UBR4: variants seen among roughly 807,000 people sequenced by gnomAD.
UBR4 encodes ubiquitin protein ligase E3 component n-recognin 4.
Under a neutral mutation model 575.6 loss-of-function variants are expected in UBR4, and 124 were observed. The observed-to-expected ratio is 0.22, with a 90% CI of 0.19 to 0.25. The LOEUF (loss-of-function observed/expected upper bound fraction) is 0.25. UBR4 is among the 10% of genes least tolerant of loss of function. The pLI is 1.00. For synonymous variants in UBR4, 2,455 were observed against 2,473.7 expected (o/e 0.99, Z 0.22); for missense variants, 4,818 against 6,478.8 (o/e 0.74, Z 8.80).
chr1:19,114,140 G>A, intron 75 of UBR4, 70 bp from the exon 76 acceptor site: 2 of 1,564,206 alleles, frequency 1.3e-6, no homozygotes, highest in Non-Finnish European at 1.7e-6. Context: ...AATCCTCACT[G>A]CTAACCATTT....
intron 103 of UBR4, chr1:19,079,026 TCA>T (rs2076230051): frequency 6.6e-6 from 1 of 152,196 alleles, no homozygotes; most frequent in Non-Finnish European, 1.5e-5. Context: ...TGAGCCCTTG[TCA>T]CAGAGTATTC....
intron 60 of UBR4, among the ~76,000 whole-genome samples, chr1:19,133,111 C>T (rs79713050): frequency 0.025 from 3,798 of 152,120 alleles, 72 homozygotes; most frequent in Middle Eastern, 0.041. Context: ...TATTTTATGA[C>T]GCCAGAATAA....
rs773796885 is a variant in UBR4, at chr1:19,160,192, G to A, written c.5496C>T (p.Val1832=). Residue 1832 remains valine (V), a synonymous_variant, in exon 39 of 106, where the codon GTC becomes GTT. Coordinates refer to ENST00000375254, the MANE Select transcript of UBR4 (RefSeq NM_020765.3). ...IQTNFQQASA[V]GSSSRAQQAL... is the part of the protein sequence containing the mutation. ...CTTGCTGAGCACGGCTGCTGCTCCCGACGGCTGAAGCTTGCTGGAAGTTGG... is the reference window on the plus strand; with the variant it reads ...CTTGCTGAGCACGGCTGCTGCTCCCAACGGCTGAAGCTTGCTGGAAGTTGG... 3.9e-5 allele frequency: 63 copies of A among 1,613,702 alleles called. No individual in the cohort carries two copies. The highest frequency in any genetic ancestry group is 2.3e-4 in the African/African-American group (17 of 74,782).
chr1:19,146,031 G>A (rs1314035728), intron 52 of UBR4, 98 bp from the exon 53 acceptor site: 11 of 1,595,234 alleles, frequency 6.9e-6, no homozygotes, highest in African/African-American at 2.7e-5. Context: ...GCCTGGGGAG[G>A]GAGTTTCAAG....
In UBR4 at chr1:19,156,853, A is replaced by C. The variant is rs1192607272; in HGVS notation, c.5833T>G (p.Leu1945Val). ...GTAAAAGGAACTGGGGCAGAAGCCA[A>C]GCGGGTCAGAGTTAACTTCCTTTTG... ...SSKRKLTLTRLASAPVPFTVL... is the reference protein window; with the variant it reads ...SSKRKLTLTRVASAPVPFTVL... Residue 1945 changes from leucine to valine, a missense_variant, in exon 41 of 106, where the codon TTG becomes GTG. Leu to Val is a conservative substitution (Grantham distance 32, BLOSUM62 1). Transcript: ENST00000375254. 4 of 1,614,060 alleles carry C rather than the reference A, an allele frequency of 2.5e-6. No homozygotes were observed. In the South Asian group the frequency reaches 4.4e-5, roughly 18 times the overall value.
intron 32 of UBR4, 63 bp from the exon 33 acceptor site, chr1:19,164,504 A>C: frequency 3.3e-6 from 5 of 1,523,940 alleles, no homozygotes; most frequent in Non-Finnish European, 4.5e-6. Context: ...GTGTGTTATA[A>C]AGGAAGTTTT....
intron 8 of UBR4, among the ~76,000 whole-genome samples, chr1:19,193,844 T>C (rs965020515): frequency 6.6e-6 from 1 of 152,136 alleles, no homozygotes; most frequent in Non-Finnish European, 1.5e-5. Context: ...ATCCATACAA[T>C]GGAATATTAA....
intron 13 of UBR4, 128 bp downstream of exon 13, chr1:19,187,036 G>C (rs2091595521): frequency 1.3e-6 from 1 of 761,504 alleles, no homozygotes; most frequent in African/African-American, 1.9e-5. Flanking sequence ...GTCTATAAAG[G>C]TCATGGTGTG....
chr1:19,142,824 A>G (rs1166551965), intron 55 of UBR4, among the ~76,000 whole-genome samples: 1 of 152,238 alleles, frequency 6.6e-6, no homozygotes, highest in African/African-American at 2.4e-5. Context: ...TATTGCTATT[A>G]GAAAATTTAA....
chr1:19,142,559 A>C (rs570184739), intron 55 of UBR4, among the ~76,000 whole-genome samples: 2 of 152,374 alleles, frequency 1.3e-5, no homozygotes, highest in African/African-American at 4.8e-5. Context: ...AGATTTTCTG[A>C]AAGTCACAAA....
At chr1:19,183,726 A>G in intron 17 of UBR4, 85 bp downstream of exon 17, 1 of 1,390,688 alleles carries the variant, frequency 7.2e-7, no homozygotes, top group Non-Finnish European at 1.0e-6. Context: ...CATCTCAAAA[A>G]AACAAACAAA....
chr1:19,106,275 A>C (rs1312596958), intron 83 of UBR4, among the ~76,000 whole-genome samples: 4 of 152,184 alleles, frequency 2.6e-5, no homozygotes, highest in African/African-American at 9.6e-5. Flanking sequence ...GAGAGAAAGG[A>C]CAGCAGAAGA....
chr1:19,099,993 G>T (rs2078455710), intron 89 of UBR4: 1 of 432,302 alleles, frequency 2.3e-6, no homozygotes, highest in Admixed American at 4.1e-5. Flanking sequence ...TCAACGGTCT[G>T]CCAGAAAGTA....
Position 19,110,289 on chromosome 1 carries a change from C to A in UBR4, c.11978-66G>T. The A allele has an allele frequency of 6.2e-7, 1 of 1,613,108 alleles. No homozygotes were observed. Among genetic ancestry groups the A allele is most frequent in the Non-Finnish European group, 8.5e-7 (1 of 1,179,190 alleles). On this transcript the variant is annotated intron_variant, in intron 80 of 105. Coordinates refer to ENST00000375254, the MANE Select transcript of UBR4 (RefSeq NM_020765.3). This position sits in a 1 kb window ranked among gnomAD's most constrained non-coding sequence, Gnocchi z 4.5. ...CTACACATCTGCTCTGCAGAGGCCG[C>A]CCAAGCATCAGTTTCCCTCCTCCCC...
chr1:19,166,518 C>T (rs2088435603), intron 29 of UBR4, among the ~76,000 whole-genome samples: 1 of 152,072 alleles, frequency 6.6e-6, no homozygotes, highest in Admixed American at 6.5e-5. Flanking sequence ...CCAAAAAACT[C>T]TTCACACATT....
Position 19,165,361 on chromosome 1 carries a change from G to A in UBR4, c.4212-12C>T, listed in dbSNP as rs547245072. The A allele has an allele frequency of 7.5e-6, 12 of 1,598,354 alleles. No individual in the cohort carries two copies. The highest frequency in any genetic ancestry group is 5.6e-5 in the South Asian group (5 of 89,512). On this transcript the variant is annotated splice_polypyrimidine_tract_variant and intron_variant, in intron 30 of 105. Coordinates refer to ENST00000375254, the MANE Select transcript of UBR4 (RefSeq NM_020765.3). ...GTACAAGTTCTCCACTGGGAGGCAA[G>A]ATGGGAGAAAAATGGAAAGAATCAC...
chr1:19,125,369 AG>A (rs1254554897), intron 64 of UBR4, among the ~76,000 whole-genome samples: 1 of 152,218 alleles, frequency 6.6e-6, no homozygotes, highest in African/African-American at 2.4e-5. Flanking sequence ...CTGAGAGTGT[AG>A]AGGGGAAGAC....
At chr1:19,113,902 G>A in intron 76 of UBR4, 43 bp downstream of exon 76, 1 of 1,614,186 alleles carries the variant, frequency 6.2e-7, no homozygotes, top group Non-Finnish European at 8.5e-7. Flanking sequence ...TTCTGATCAA[G>A]ACCCAAGCCC....
rs760895942 is a variant in UBR4 at position 19,185,273 on chromosome 1, C to T, written c.1764G>A (p.Glu588=). 6.3e-7 allele frequency: 1 copy of T among 1,575,376 alleles called. No homozygotes were observed. The highest frequency in any genetic ancestry group is 8.6e-7 in the Non-Finnish European group (1 of 1,165,228). The change falls in exon 15 of 106, where the codon GAG becomes GAA. Residue 588 remains glutamate, a synonymous_variant. Coordinates refer to ENST00000375254, the MANE Select transcript of UBR4 (RefSeq NM_020765.3). ...CCTCAAACCATTGCCCCAAAATAGGCTCACTGTCATCGTCTGAATAGAGAA... is the reference window on the plus strand; with the variant it reads ...CCTCAAACCATTGCCCCAAAATAGGTTCACTGTCATCGTCTGAATAGAGAA... ...EEDSSQDDDS[E]PILGQWFEET...
Sources: allele counts gnomAD v4.1 joint callset (sites outside exome capture counted in the v4.1 genomes callset), GRCh38; gene constraint gnomAD v4.1.1; non-coding constraint Gnocchi (gnomAD v3.1); transcripts MANE v1.5; gene names NCBI Gene and HGNC (gene_info 2026-07-23, HGNC 2026-07-21).